The following CIMAP1D variants were observed in gnomAD, a reference collection of about 807,000 sequenced individuals.
CIMAP1D encodes CIMAP1 family member D.
At chr19:473,358 G>A in the CIMAP1D span, among the ~76,000 whole-genome samples, 1 of 70,312 alleles carries the variant, frequency 1.4e-5, no homozygotes, top group African/African-American at 5.1e-5. Context: ...GAGATACATG[G>A]TCACAGATGG....
chr19:464,114 C>G, the CIMAP1D span: 3 of 1,493,098 alleles, frequency 2.0e-6, no homozygotes, highest in Non-Finnish European at 2.7e-6. Flanking sequence ...GGCCTGGTAT[C>G]TCAGCAGGAT....
the CIMAP1D span, chr19:475,068 G>A: frequency 3.6e-6 from 1 of 274,058 alleles, no homozygotes; most frequent in Admixed American, 5.3e-5. Flanking sequence ...TGGGCAGCTG[G>A]GGCCAGGGCC....
the CIMAP1D span, among the ~76,000 whole-genome samples, chr19:465,009 TGGGC>T: frequency 1.4e-4 from 1 of 7,286 alleles, no homozygotes; most frequent in Non-Finnish European, 2.7e-4. Context: ...GGTGGGAGGG[TGGGC>T]GGATGGATGG....
chr19:479,381 TTTC>T, the CIMAP1D span, among the ~76,000 whole-genome samples: 10 of 140,264 alleles, frequency 7.1e-5, no homozygotes, highest in South Asian at 2.5e-4. Context: ...AGGGAGCCCT[TTTC>T]TTCTTCTTTT....
the CIMAP1D span, among the ~76,000 whole-genome samples, chr19:486,090 T>G: frequency 2.9e-4 from 44 of 152,194 alleles, no homozygotes; most frequent in Non-Finnish European, 5.7e-4. Flanking sequence ...CGTGGGACAG[T>G]GAGGACAGGA....
the CIMAP1D span, among the ~76,000 whole-genome samples, chr19:471,838 C>G: frequency 6.6e-5 from 10 of 151,750 alleles, no homozygotes; most frequent in African/African-American, 1.2e-4. Context: ...CGCCTCCCGG[C>G]TTCACGCCAT....
chr19:470,224 T>G, the CIMAP1D span, among the ~76,000 whole-genome samples: 1 of 101,790 alleles, frequency 9.8e-6, no homozygotes, highest in Non-Finnish European at 2.0e-5. Flanking sequence ...TTTTTTTTTT[T>G]GCGACGGAGT....
the CIMAP1D span, among the ~76,000 whole-genome samples, chr19:475,952 T>G: frequency 6.6e-6 from 1 of 151,086 alleles, no homozygotes; most frequent in Non-Finnish European, 1.5e-5. Context: ...TTTTATATTT[T>G]TTAGTAGAGA....
chr19:470,513 T>C, the CIMAP1D span, among the ~76,000 whole-genome samples: 1 of 152,254 alleles, frequency 6.6e-6, no homozygotes, highest in East Asian at 1.9e-4. Flanking sequence ...GCCCGGCCCA[T>C]AGGCTAAGTT....
the CIMAP1D span, chr19:464,088 C>T: frequency 3.9e-6 from 6 of 1,536,994 alleles, no homozygotes; most frequent in South Asian, 4.8e-5. Context: ...TGCGTCCGGG[C>T]TGTCGTACTG....
At chr19:467,368 T>C in the CIMAP1D span, among the ~76,000 whole-genome samples, 3 of 151,914 alleles carry the variant, frequency 2.0e-5, no homozygotes, top group East Asian at 5.8e-4. Context: ...TTTGCCACAG[T>C]CCCCATTCAC....
chr19:473,233 G>A, the CIMAP1D span, among the ~76,000 whole-genome samples: 1 of 25,320 alleles, frequency 3.9e-5, no homozygotes, highest in African/African-American at 5.0e-4. Flanking sequence ...GAGATACATG[G>A]TCACAGATGG....
At chr19:484,768 G>GGGC in the CIMAP1D span, among the ~76,000 whole-genome samples, 1 of 152,230 alleles carries the variant, frequency 6.6e-6, no homozygotes, top group African/African-American at 2.4e-5. Context: ...GGAGGAGGGA[G>GGGC]GGCGGGGCTG....
the CIMAP1D span, chr19:467,909 C>T: frequency 1.7e-6 from 1 of 598,046 alleles, no homozygotes; most frequent in Non-Finnish European, 3.0e-6. Flanking sequence ...ACCCCAGGGG[C>T]CCTGAGTTGT....
At chr19:474,076 T>C in the CIMAP1D span, among the ~76,000 whole-genome samples, 2 of 152,084 alleles carry the variant, frequency 1.3e-5, no homozygotes, top group Admixed American at 1.3e-4. Flanking sequence ...CGCCATGTGT[T>C]GTGGCTTCTG....
the CIMAP1D span, among the ~76,000 whole-genome samples, chr19:470,204 GT>G: frequency 8.4e-6 from 1 of 118,844 alleles, no homozygotes; most frequent in African/African-American, 3.5e-5. Flanking sequence ...CATAGGCTAA[GT>G]TCTTTTTTTT....
the CIMAP1D span, among the ~76,000 whole-genome samples, chr19:485,232 C>T: frequency 1.3e-5 from 2 of 152,318 alleles, no homozygotes; most frequent in East Asian, 1.9e-4. Flanking sequence ...TGCACGTTTA[C>T]ACCACGTGGG....
At chr19:484,141 T>A in the CIMAP1D span, among the ~76,000 whole-genome samples, 1 of 88,812 alleles carries the variant, frequency 1.1e-5, no homozygotes, top group Non-Finnish European at 2.8e-5. Context: ...TTCTTTTTCT[T>A]TTTTTTTTTT....
the CIMAP1D span, among the ~76,000 whole-genome samples, chr19:476,880 C>G: frequency 6.6e-6 from 1 of 152,098 alleles, no homozygotes; most frequent in African/African-American, 2.4e-5. Context: ...TAAAGAAGTA[C>G]TTAGAGGGAA....
Sources: allele counts gnomAD v4.1 joint callset (sites outside exome capture counted in the v4.1 genomes callset), GRCh38; gene constraint gnomAD v4.1.1; transcripts MANE v1.5; gene names NCBI Gene and HGNC (gene_info 2026-07-23, HGNC 2026-07-21).